METTL16: variants seen among roughly 807,000 people sequenced by gnomAD.
METTL16 encodes methyltransferase 16, RNA N6-adenosine.
In METTL16, 19 loss-of-function variants were observed where a neutral mutation model predicts 57.9. That is an observed-to-expected ratio of 0.33 (90% CI 0.23 to 0.48). The LOEUF is 0.48. Among genes scored for constraint, METTL16 ranks in the 20% least tolerant of loss-of-function variants. The pLI, the probability that METTL16 is intolerant of heterozygous loss-of-function variation, is 0.99. For missense variants in METTL16, 434 were observed against 691.5 expected (o/e 0.63, Z 4.18); for synonymous variants, 246 against 255.6 (o/e 0.96, Z 0.36).
intron 4 of METTL16, among the ~76,000 whole-genome samples, chr17:2,470,937 TAAA>T (rs1394368633): frequency 6.6e-6 from 1 of 152,174 alleles, no homozygotes; most frequent in Non-Finnish European, 1.5e-5. Flanking sequence ...AGAGGCAAGT[TAAA>T]AAACTGACAC....
chr17:2,441,355 A>G, intron 7 of METTL16, 135 bp downstream of exon 7: 1 of 559,120 alleles, frequency 1.8e-6, no homozygotes, highest in Non-Finnish European at 2.9e-6. Flanking sequence ...CAACGACATG[A>G]ATTGTTCCGG....
intron 2 of METTL16, among the ~76,000 whole-genome samples, chr17:2,500,724 T>C (rs1206933682): frequency 2.6e-5 from 4 of 152,188 alleles, no homozygotes; most frequent in African/African-American, 9.6e-5. Flanking sequence ...CAGTTAGAGA[T>C]AGTTCTTTCT....
chr17:2,458,795 G>C (rs1252139332), intron 6 of METTL16, among the ~76,000 whole-genome samples: 1 of 144,590 alleles, frequency 6.9e-6, no homozygotes, highest in East Asian at 1.9e-4. Context: ...AAGGTTAGAT[G>C]GGTGAGTCCC....
chr17:2,428,602 T>TATATATAA lies in METTL16; in HGVS notation c.889-7699_889-7698insTTATATAT, dbSNP rs376112549. The stretch of plus-strand genomic sequence containing the variant: ...ATATATATATATATATATATATATA[T>TATATATAA]AAATTGTAATACAGCGGGGCACAGT... On this transcript the variant is annotated intron_variant, in intron 8 of 9. Coordinates refer to ENST00000263092, the MANE Select transcript of METTL16 (RefSeq NM_024086.4). Among the ~76,000 whole-genome samples, 33 of 94,966 alleles carry TATATATAA rather than the reference T, an allele frequency of 3.5e-4. 2 individuals carry two copies. Among genetic ancestry groups the TATATATAA allele is most frequent in the African/African-American group, 1.4e-3 (31 of 21,416 alleles). 62.3% of individuals were successfully genotyped at this position (94,966 alleles called of 152,430 possible).
intron 3 of METTL16, chr17:2,477,410 A>T: frequency 3.3e-6 from 1 of 303,384 alleles, no homozygotes; most frequent in African/African-American, 2.1e-5. Flanking sequence ...TTTTTTTTTC[A>T]GATTTTGAAA....
At chr17:2,477,062 C>G (rs563974953) in intron 3 of METTL16, among the ~76,000 whole-genome samples, 1 of 151,968 alleles carries the variant, frequency 6.6e-6, no homozygotes, top group Non-Finnish European at 1.5e-5. Context: ...CTAAATAGGG[C>G]CAGGCGTAGT....
intron 3 of METTL16, chr17:2,475,343 C>T (rs2067262462): frequency 6.6e-6 from 1 of 152,208 alleles, no homozygotes; most frequent in Non-Finnish European, 1.5e-5. Context: ...TATTCGAGGT[C>T]CTGTCAGAAA....
At chr17:2,469,755 C>T (rs1222998641) in intron 4 of METTL16, among the ~76,000 whole-genome samples, 1 of 152,104 alleles carries the variant, frequency 6.6e-6, no homozygotes, top group Non-Finnish European at 1.5e-5. Context: ...AAACTCCTCA[C>T]CTCAGACAAT....
intron 1 of METTL16, among the ~76,000 whole-genome samples, chr17:2,505,395 ATTTTTTTTTTTTTTTTT>A (rs564797281): frequency 7.9e-5 from 4 of 50,554 alleles, no homozygotes; most frequent in African/African-American, 1.3e-4. Flanking sequence ...GCCCAGAGGC[ATTTTTTTTTTTTTTTTT>A]TTTTTTTTTT....
chr17:2,481,787 C>T (rs1304453224), intron 2 of METTL16, among the ~76,000 whole-genome samples: 3 of 152,072 alleles, frequency 2.0e-5, no homozygotes, highest in East Asian at 3.8e-4. Flanking sequence ...AGAAGGCTCA[C>T]TATGTTCCCA....
intron 2 of METTL16, among the ~76,000 whole-genome samples, chr17:2,487,417 C>A (rs9898813): frequency 0.94 from 142,830 of 152,314 alleles, 67,112 homozygotes; most frequent in African/African-American, 0.99. Context: ...AGAGCTGCGG[C>A]GCAAGCTTTG....
At chr17:2,500,546 T>C (rs1212377034) in intron 2 of METTL16, among the ~76,000 whole-genome samples, 1 of 152,134 alleles carries the variant, frequency 6.6e-6, no homozygotes, top group Non-Finnish European at 1.5e-5. Context: ...CCTCCCAAAG[T>C]GCTGGGATTC....
intron 8 of METTL16, among the ~76,000 whole-genome samples, chr17:2,428,997 T>C (rs539990952): frequency 7.2e-5 from 11 of 152,038 alleles, no homozygotes; most frequent in African/African-American, 2.7e-4. Context: ...TAGCTGGGAC[T>C]ACAGGTATGC....
At chr17:2,454,342 T>C (rs1205488085) in intron 6 of METTL16, among the ~76,000 whole-genome samples, 1 of 152,090 alleles carries the variant, frequency 6.6e-6, no homozygotes, top group Non-Finnish European at 1.5e-5. Context: ...GTTCTCTAAG[T>C]AGTAAAATCC....
intron 8 of METTL16, among the ~76,000 whole-genome samples, chr17:2,434,253 C>T (rs1234171678): frequency 1.3e-5 from 2 of 152,136 alleles, no homozygotes; most frequent in African/African-American, 4.8e-5. Flanking sequence ...GGCTGGTGGG[C>T]AACGGCGTGA....
chr17:2,462,733 TC>T (rs2067159557), intron 6 of METTL16, among the ~76,000 whole-genome samples: 1 of 152,186 alleles, frequency 6.6e-6, no homozygotes, highest in Non-Finnish European at 1.5e-5. Context: ...CAGCCGTGCT[TC>T]CGGTACAGCC....
chr17:2,448,983 C>T (rs1156766163), intron 6 of METTL16, among the ~76,000 whole-genome samples: 3 of 147,550 alleles, frequency 2.0e-5, no homozygotes, highest in Admixed American at 6.7e-5. Flanking sequence ...GCCGAGATTG[C>T]GCCACTGCAC....
In METTL16 at chr17:2,481,178, C is replaced by T. The variant is rs1029793477; in HGVS notation, c.129-3293G>A. On this transcript the variant is annotated intron_variant, in intron 2 of 9. Transcript: ENST00000263092. The stretch of plus-strand genomic sequence containing the variant: ...AGCCTAGATGAAGCCACCGCACTCC[C>T]GTACGGATGACAGAGTGAGACCATG... 4.7e-5 allele frequency among the ~76,000 whole-genome samples: 7 copies of T among 150,112 alleles called. No individual in the cohort carries two copies. The South Asian group carries it at 8.4e-4, about 18-fold the overall frequency.
chr17:2,473,716 C>T (rs777632238), intron 3 of METTL16, 52 bp from the exon 4 acceptor site: 49 of 1,557,826 alleles, frequency 3.1e-5, no homozygotes, highest in Non-Finnish European at 4.1e-5. Flanking sequence ...GGAAAGGTTA[C>T]AATAATCATG....
Sources: allele counts gnomAD v4.1 joint callset (sites outside exome capture counted in the v4.1 genomes callset), GRCh38; gene constraint gnomAD v4.1.1; transcripts MANE v1.5; gene names NCBI Gene and HGNC (gene_info 2026-07-23, HGNC 2026-07-21).